CLRN3: variants seen among roughly 807,000 people sequenced by gnomAD.
CLRN3 encodes the protein clarin-3.
CLRN3 carries 12 observed loss-of-function variants against 16.7 expected under a neutral mutation model. The ratio of observed to expected loss-of-function variants is 0.72; its 90% CI spans 0.46 to 1.16. CLRN3 has a LOEUF of 1.16. Ranked by LOEUF, CLRN3 falls within the 50% of genes most tolerant of loss-of-function variation. The probability of loss-of-function intolerance (pLI) is 0.00; values close to 1 mark genes in which losing one functional copy is unlikely to be tolerated. For missense variants in CLRN3, 296 were observed against 274.2 expected, an observed-to-expected ratio of 1.08 and a Z score of -0.56; for synonymous variants, 118 against 113.0, an observed-to-expected ratio of 1.04 and a Z score of -0.28.
Position 127,892,634 on chromosome 10 carries a change from T to C in CLRN3, c.151A>G (p.Ile51Val), listed in dbSNP as rs1048493536. The change falls in exon 1 of 3, where the codon ATC becomes GTC. Residue 51 changes from isoleucine to valine, a missense_variant. Physicochemically the swap from Ile to Val is conservative, Grantham distance 29. Coordinates refer to ENST00000368671, the MANE Select transcript of CLRN3 (RefSeq NM_152311.5). ...RDSASNGSIFITYGLFRGESS... is the reference protein window; with the variant it reads ...RDSASNGSIFVTYGLFRGESS... ...TCCCCACGAAAAAGTCCGTAAGTGA[T>C]GAAAATGCTCCCATTTGAAGCAGAG... 4.3e-6 allele frequency: 7 copies of C among 1,613,350 alleles called. No homozygotes were observed. The highest frequency in any genetic ancestry group is 1.3e-5 in the African/African-American group (1 of 75,040).
intron 2 of CLRN3, among the ~76,000 whole-genome samples, chr10:127,881,467 G>A (rs1845127190): frequency 6.6e-6 from 1 of 152,168 alleles, no homozygotes; most frequent in Admixed American, 6.5e-5. Context: ...AGCAATGCTG[G>A]GTCCCTGTTG....
At chr10:127,891,747 G>A in intron 1 of CLRN3, among the ~76,000 whole-genome samples, 1 of 152,212 alleles carries the variant, frequency 6.6e-6, no homozygotes, top group East Asian at 1.9e-4. Flanking sequence ...AGAAAATGAT[G>A]CATATTTATA....
intron 1 of CLRN3, among the ~76,000 whole-genome samples, chr10:127,891,665 T>TTAGA (rs1215398040): frequency 3.2e-4 from 48 of 152,354 alleles, no homozygotes; most frequent in African/African-American, 1.2e-3. Context: ...GAGCTAGAAC[T>TTAGA]TAGAGCTAGT....
rs1320673914 is a variant in CLRN3, at chr10:127,892,609, T to A, written c.176A>T (p.Glu59Val). ...TCCGTGACTCAATTCTTCACTACTC[T>A]CCCCACGAAAAAGTCCGTAAGTGAT... ...IFITYGLFRGESSEELSHGLA... is the reference protein window; with the variant it reads ...IFITYGLFRGVSSEELSHGLA... Residue 59 changes from glutamate to valine, a missense_variant, in exon 1 of 3, where the codon GAG becomes GTG. Glu to Val is a moderately radical substitution (Grantham distance 121). Transcript: ENST00000368671. 1 of 1,612,968 alleles carries A rather than the reference T, an allele frequency of 6.2e-7. No homozygotes were observed. Among genetic ancestry groups the A allele is most frequent in the African/African-American group, 1.3e-5 (1 of 74,888 alleles).
intron 1 of CLRN3, among the ~76,000 whole-genome samples, chr10:127,886,643 GC>G (rs553579805): frequency 3.7e-4 from 56 of 152,352 alleles, no homozygotes; most frequent in Middle Eastern, 6.8e-3. Flanking sequence ...TGGCATGGCC[GC>G]ATGTGCCTTG....
intron 2 of CLRN3, among the ~76,000 whole-genome samples, chr10:127,880,240 T>C (rs1845111832): frequency 6.6e-6 from 1 of 152,156 alleles, no homozygotes; most frequent in South Asian, 2.1e-4. Context: ...AGGATGTATA[T>C]AGTCTAAATG....
At chr10:127,886,063 A>T (rs1267267109) in intron 1 of CLRN3, among the ~76,000 whole-genome samples, 1 of 151,108 alleles carries the variant, frequency 6.6e-6, no homozygotes, top group Non-Finnish European at 1.5e-5. Context: ...CCTTTTAAAA[A>T]ATGTTCCATA....
intron 2 of CLRN3, among the ~76,000 whole-genome samples, chr10:127,882,921 G>A (rs1223445997): frequency 6.6e-6 from 1 of 152,178 alleles, no homozygotes; most frequent in Non-Finnish European, 1.5e-5. Flanking sequence ...GCTGGGCAGG[G>A]CAAATAGGTA....
chr10:127,881,284 A>G (rs776087884), intron 2 of CLRN3, among the ~76,000 whole-genome samples: 4 of 152,218 alleles, frequency 2.6e-5, no homozygotes, highest in Non-Finnish European at 5.9e-5. Flanking sequence ...AGGAGTAGGC[A>G]GGGCTACGGG....
intron 2 of CLRN3, among the ~76,000 whole-genome samples, chr10:127,880,861 G>A (rs185263487): frequency 1.2e-4 from 19 of 152,284 alleles, no homozygotes; most frequent in Admixed American, 1.0e-3. Flanking sequence ...ACTCCCAGAA[G>A]TCAGTCTGAT....
chr10:127,888,595 C>T (rs962185536), intron 1 of CLRN3, among the ~76,000 whole-genome samples: 11 of 152,104 alleles, frequency 7.2e-5, no homozygotes, highest in East Asian at 1.9e-4. Flanking sequence ...TCCCTGAGAA[C>T]ACATGGAGGT....
intron 2 of CLRN3, among the ~76,000 whole-genome samples, chr10:127,879,807 G>A (rs576957907): frequency 5.5e-4 from 84 of 152,320 alleles, no homozygotes; most frequent in Non-Finnish European, 8.5e-4. Context: ...GAAAGGTTTT[G>A]GAGGATAAGG....
At chr10:127,881,567 C>A (rs572510483) in intron 2 of CLRN3, among the ~76,000 whole-genome samples, 10 of 152,286 alleles carry the variant, frequency 6.6e-5, no homozygotes, top group Non-Finnish European at 1.3e-4. Flanking sequence ...CTCACCCCTG[C>A]GGCTGGGGAA....
chr10:127,882,773 A>G, intron 2 of CLRN3, among the ~76,000 whole-genome samples: 1 of 152,218 alleles, frequency 6.6e-6, no homozygotes, highest in Non-Finnish European at 1.5e-5. Flanking sequence ...AAAATGCGTC[A>G]CCTGGAGCTT....
chr10:127,887,763 C>A (rs1181897209), intron 1 of CLRN3, among the ~76,000 whole-genome samples: 1 of 152,214 alleles, frequency 6.6e-6, no homozygotes, highest in Non-Finnish European at 1.5e-5. Context: ...TAACAATAAA[C>A]TTCCATAGAA....
chr10:127,886,046 C>G (rs1043111828), intron 1 of CLRN3, among the ~76,000 whole-genome samples: 2 of 152,070 alleles, frequency 1.3e-5, no homozygotes, highest in African/African-American at 4.8e-5. Flanking sequence ...TAAGCCACCA[C>G]GCCCGGCCTT....
chr10:127,880,326 C>T (rs1361902307), intron 2 of CLRN3, among the ~76,000 whole-genome samples: 1 of 152,154 alleles, frequency 6.6e-6, no homozygotes, highest in African/African-American at 2.4e-5. Context: ...AAATGCAAAC[C>T]TGAGTCCCCT....
intron 1 of CLRN3, 122 bp downstream of exon 1, chr10:127,892,434 C>A (rs1408004284): frequency 9.2e-6 from 6 of 655,438 alleles, no homozygotes; most frequent in East Asian, 5.4e-5. Flanking sequence ...TAAGCTTGTA[C>A]CTTCAGCCTA....
intron 2 of CLRN3, 137 bp downstream of exon 2, chr10:127,883,559 T>C: frequency 1.5e-6 from 1 of 674,456 alleles, no homozygotes; most frequent in South Asian, 1.7e-5. Flanking sequence ...ACCCCAGCCC[T>C]CAGCTCATGG....
Sources: allele counts gnomAD v4.1 joint callset (sites outside exome capture counted in the v4.1 genomes callset), GRCh38; gene constraint gnomAD v4.1.1; transcripts MANE v1.5; gene names NCBI Gene and HGNC (gene_info 2026-07-23, HGNC 2026-07-21).